EPB41L2: variants seen among roughly 807,000 people sequenced by gnomAD.
The protein encoded by EPB41L2 is erythrocyte membrane protein band 4.1 like 2.
EPB41L2 carries 43 observed loss-of-function variants against 113.0 expected under a neutral mutation model. The observed-to-expected ratio is 0.38, with a 90% CI of 0.30 to 0.49. The LOEUF is 0.49. Ranked by LOEUF, EPB41L2 falls within the 20% of genes least tolerant of loss-of-function variation. EPB41L2 has a pLI of 0.95. For synonymous variants in EPB41L2, 442 were observed against 436.7 expected, an observed-to-expected ratio of 1.01 and a Z score of -0.15; for missense variants, 1,147 against 1,223.4, an observed-to-expected ratio of 0.94 and a Z score of 0.93.
chr6:130,956,976 C>G (rs953713754), intron 1 of EPB41L2, among the ~76,000 whole-genome samples: 13 of 152,106 alleles, frequency 8.5e-5, no homozygotes, highest in Non-Finnish European at 1.5e-4. Flanking sequence ...CAAAATCTAT[C>G]AAAATGTTAG....
intron 1 of EPB41L2, among the ~76,000 whole-genome samples, chr6:131,054,233 C>T (rs775500249): frequency 1.3e-5 from 2 of 152,178 alleles, no homozygotes; most frequent in African/African-American, 2.4e-5. Flanking sequence ...TGTTGTCAAG[C>T]AGACTTGTAA....
chr6:131,000,087 A>G (rs2128710378), intron 1 of EPB41L2, among the ~76,000 whole-genome samples: 1 of 152,228 alleles, frequency 6.6e-6, no homozygotes, highest in East Asian at 1.9e-4. Context: ...CCCAATGCAC[A>G]TCTCACTGTT....
intron 1 of EPB41L2, among the ~76,000 whole-genome samples, chr6:130,971,810 C>T (rs1338619918): frequency 2.0e-5 from 3 of 152,194 alleles, no homozygotes; most frequent in African/African-American, 7.2e-5. Context: ...CTATAAATTA[C>T]TATAGACAAA....
rs145923952 is a variant in EPB41L2, at chr6:131,055,615, G to A, written c.-15+7540C>T. ...TCAACTTCTACTGAGTAATAACATC[G>A]AACAATTAAAAGCAATAACTGGAAC... On this transcript the variant is annotated intron_variant, in intron 1 of 19. Transcript: ENST00000337057. Among the ~76,000 whole-genome samples the A allele has an allele frequency of 1.4e-4, 21 of 152,174 alleles. 1 individual carries two copies. The East Asian group carries it at 3.5e-3, about 25-fold the overall frequency.
chr6:130,860,930 A>G (rs1781819630), intron 18 of EPB41L2, among the ~76,000 whole-genome samples: 2 of 152,220 alleles, frequency 1.3e-5, no homozygotes, highest in Non-Finnish European at 2.9e-5. Flanking sequence ...AGCTGAAAGT[A>G]TCATGACCAG....
intron 3 of EPB41L2, among the ~76,000 whole-genome samples, chr6:130,927,510 C>T (rs921225094): frequency 3.2e-4 from 48 of 152,174 alleles, no homozygotes; most frequent in African/African-American, 9.6e-4. Flanking sequence ...GTCAGACACA[C>T]GCCTCCTCCC....
intron 18 of EPB41L2, among the ~76,000 whole-genome samples, chr6:130,858,893 G>T (rs529656029): frequency 6.6e-6 from 1 of 152,262 alleles, no homozygotes; most frequent in East Asian, 1.9e-4. Context: ...TAATCTTCAG[G>T]TTATAAAATA....
chr6:130,955,951 C>A, intron 2 of EPB41L2, 43 bp downstream of exon 2: 2 of 1,574,034 alleles, frequency 1.3e-6, no homozygotes, highest in Non-Finnish European at 1.7e-6. Flanking sequence ...TATGTGGTTA[C>A]GCTATCAGGT....
At chr6:131,058,995 G>A (rs1047848184) in intron 1 of EPB41L2, among the ~76,000 whole-genome samples, 3 of 152,030 alleles carry the variant, frequency 2.0e-5, no homozygotes, top group East Asian at 1.9e-4. Flanking sequence ...CAGCCTGAAC[G>A]ACAGAGTGAA....
intron 4 of EPB41L2, among the ~76,000 whole-genome samples, chr6:130,912,444 C>A (rs1799711752): frequency 6.6e-6 from 1 of 152,186 alleles, no homozygotes; most frequent in Admixed American, 6.5e-5. Flanking sequence ...CACTACTGTT[C>A]ATGGCCCGCA....
At chr6:130,848,199 T>TCTCA (rs376078462) in intron 19 of EPB41L2, among the ~76,000 whole-genome samples, 17,771 of 113,254 alleles carry the variant, frequency 0.16, 1,446 homozygotes, top group Non-Finnish European at 0.2. Flanking sequence ...TCTCTCTCTC[T>TCTCA]CACACACACA....
chr6:130,994,775 A>T (rs577824557), intron 1 of EPB41L2, among the ~76,000 whole-genome samples: 1 of 152,318 alleles, frequency 6.6e-6, no homozygotes, highest in South Asian at 2.1e-4. Flanking sequence ...CAAGCTGGGA[A>T]TTGCTTAGGG....
intron 4 of EPB41L2, among the ~76,000 whole-genome samples, chr6:130,918,942 C>T (rs1432504128): frequency 6.6e-6 from 1 of 152,052 alleles, no homozygotes; most frequent in Non-Finnish European, 1.5e-5. Context: ...GGATACCATA[C>T]AAATCTATAG....
At chr6:130,956,799 T>C (rs1016455369) in intron 1 of EPB41L2, among the ~76,000 whole-genome samples, 1 of 152,218 alleles carries the variant, frequency 6.6e-6, no homozygotes, top group African/African-American at 2.4e-5. Flanking sequence ...ATTACTTTTA[T>C]TTGGTTTCAA....
At chr6:130,963,292 A>C (rs1774088719) in intron 1 of EPB41L2, among the ~76,000 whole-genome samples, 1 of 152,232 alleles carries the variant, frequency 6.6e-6, no homozygotes, top group Non-Finnish European at 1.5e-5. Flanking sequence ...CTGAGAGTAC[A>C]TATAGATCTT....
chr6:131,053,600 T>G (rs937438816), intron 1 of EPB41L2, among the ~76,000 whole-genome samples: 7 of 152,156 alleles, frequency 4.6e-5, no homozygotes, highest in Non-Finnish European at 1.0e-4. Context: ...GGTCAGCTGC[T>G]TAACTGATCG....
At chr6:130,957,319 A>G (rs1299787729) in intron 1 of EPB41L2, among the ~76,000 whole-genome samples, 1 of 152,262 alleles carries the variant, frequency 6.6e-6, no homozygotes, top group East Asian at 1.9e-4. Flanking sequence ...AATTCTGAAA[A>G]TAACTAAATT....
chr6:130,960,006 TAATC>T (rs1818793751), intron 1 of EPB41L2, among the ~76,000 whole-genome samples: 1 of 152,266 alleles, frequency 6.6e-6, no homozygotes, highest in African/African-American at 2.4e-5. Flanking sequence ...GTTTATATTT[TAATC>T]ATAAGGGTTT....
chr6:131,031,291 A>T (rs1223927845), intron 1 of EPB41L2, among the ~76,000 whole-genome samples: 1 of 152,068 alleles, frequency 6.6e-6, no homozygotes, highest in Non-Finnish European at 1.5e-5. Flanking sequence ...AAGAAAATAT[A>T]CAGAGATTTT....
Sources: gnomAD v4.1 joint callset for allele counts (sites outside exome capture counted in the v4.1 genomes callset) on GRCh38, gnomAD v4.1.1 for gene constraint, MANE v1.5 for transcripts, NCBI Gene and HGNC (gene_info 2026-07-23, HGNC 2026-07-21) for gene names.